The following PDE10A variants were observed in gnomAD, a reference collection of about 807,000 sequenced individuals.
PDE10A encodes phosphodiesterase 10A.
Under a neutral mutation model 97.7 loss-of-function variants are expected in PDE10A, and 39 were observed. The ratio of observed to expected loss-of-function variants is 0.40; its 90% confidence interval spans 0.31 to 0.52. The LOEUF (loss-of-function observed/expected upper bound fraction) is 0.52. Among genes scored for constraint, PDE10A ranks in the 20% least tolerant of loss-of-function variants. PDE10A has a pLI of 0.56. For synonymous variants in PDE10A, 371 were observed against 376.8 expected (o/e 0.98, Z 0.18); for missense variants, 731 against 1,047.8 (o/e 0.70, Z 4.17).
intron 1 of PDE10A, among the ~76,000 whole-genome samples, chr6:165,890,751 C>A (rs980702190): frequency 6.6e-6 from 1 of 152,134 alleles, no homozygotes; most frequent in Admixed American, 6.5e-5. Flanking sequence ...TACGGGTGGC[C>A]ATATAAGGCC....
chr6:165,410,564 C>T (rs540424373), intron 13 of PDE10A, among the ~76,000 whole-genome samples: 118 of 152,130 alleles, frequency 7.8e-4, no homozygotes, highest in South Asian at 6.6e-3. Context: ...AATGAACGGA[C>T]GTAGAGATTT....
At chr6:165,950,931 T>C (rs1458513855) in intron 1 of PDE10A, among the ~76,000 whole-genome samples, 1 of 152,244 alleles carries the variant, frequency 6.6e-6, no homozygotes, top group Non-Finnish European at 1.5e-5. Context: ...AAAGAACATG[T>C]GTCCTCTTTG....
At chr6:165,526,396 G>C (rs1782448413) in intron 2 of PDE10A, among the ~76,000 whole-genome samples, 1 of 152,156 alleles carries the variant, frequency 6.6e-6, no homozygotes, top group Admixed American at 6.5e-5. Flanking sequence ...CTTAGCAGCT[G>C]GCAGAACCCC....
intron 7 of PDE10A, among the ~76,000 whole-genome samples, chr6:165,432,160 G>A (rs1789621580): frequency 6.6e-6 from 1 of 152,122 alleles, no homozygotes; most frequent in Non-Finnish European, 1.5e-5. Context: ...CAGGGAGAAG[G>A]ACAAGAAATG....
chr6:165,586,156 C>A (rs1431045408), intron 1 of PDE10A, among the ~76,000 whole-genome samples: 5 of 152,214 alleles, frequency 3.3e-5, no homozygotes, highest in Admixed American at 6.5e-5. Context: ...AAAGGCCGAA[C>A]AGAGCTCATA....
chr6:165,337,503 A>G (rs1203916457), intron 20 of PDE10A, among the ~76,000 whole-genome samples: 1 of 152,232 alleles, frequency 6.6e-6, no homozygotes. Flanking sequence ...TTTATGGCTC[A>G]TGCAGAGACT....
intron 1 of PDE10A, among the ~76,000 whole-genome samples, chr6:165,654,193 T>C (rs1789823957): frequency 6.6e-6 from 1 of 152,222 alleles, no homozygotes; most frequent in Non-Finnish European, 1.5e-5. Context: ...CGGTACTGCA[T>C]GTCTTCCTAA....
intron 1 of PDE10A, among the ~76,000 whole-genome samples, chr6:165,917,524 T>G (rs1457799556): frequency 6.6e-6 from 1 of 152,206 alleles, no homozygotes; most frequent in Non-Finnish European, 1.5e-5. Flanking sequence ...ATGGACACTT[T>G]ACTTCTAAGT....
intron 1 of PDE10A, among the ~76,000 whole-genome samples, chr6:165,784,035 T>C (rs1335923944): frequency 6.6e-6 from 1 of 152,012 alleles, no homozygotes. Context: ...CTGGCCATCA[T>C]GGTGAAACCC....
intron 1 of PDE10A, among the ~76,000 whole-genome samples, chr6:165,979,947 T>A (rs2128503544): frequency 6.6e-6 from 1 of 152,342 alleles, no homozygotes; most frequent in Admixed American, 6.5e-5. Flanking sequence ...TGTCACTACT[T>A]AAATTCCTCA....
chr6:165,726,265 C>T (rs1185945434), intron 1 of PDE10A, among the ~76,000 whole-genome samples: 1 of 152,022 alleles, frequency 6.6e-6, no homozygotes, highest in Non-Finnish European at 1.5e-5. Context: ...GTTATCTATT[C>T]TCTAAAGCAA....
intron 1 of PDE10A, among the ~76,000 whole-genome samples, chr6:165,779,113 A>G (rs1369978391): frequency 2.0e-5 from 3 of 152,208 alleles, no homozygotes; most frequent in African/African-American, 4.8e-5. Context: ...AAAGGTATTC[A>G]CTTATCGTTT....
chr6:165,460,159 G>C (rs111418651), intron 3 of PDE10A, among the ~76,000 whole-genome samples: 2 of 152,142 alleles, frequency 1.3e-5, no homozygotes, highest in African/African-American at 4.8e-5. Context: ...GAAAAGCTGC[G>C]AGCCTTCTGC....
At chr6:165,400,079 G>A (rs998884624) in intron 13 of PDE10A, among the ~76,000 whole-genome samples, 18 of 152,124 alleles carry the variant, frequency 1.2e-4, no homozygotes, top group African/African-American at 4.3e-4. Flanking sequence ...ATAAGGAAAG[G>A]ATAGTCGATT....
At chr6:165,620,361 C>T (rs1464432533) in intron 1 of PDE10A, among the ~76,000 whole-genome samples, 6 of 152,220 alleles carry the variant, frequency 3.9e-5, no homozygotes, top group East Asian at 3.9e-4. Context: ...AGATGCTTCT[C>T]GTAAGTATCT....
At chr6:165,723,156 C>T (rs1792207957) in intron 1 of PDE10A, among the ~76,000 whole-genome samples, 1 of 152,162 alleles carries the variant, frequency 6.6e-6, no homozygotes, top group Non-Finnish European at 1.5e-5. Flanking sequence ...GATCATCTTA[C>T]TGAGAACCGT....
At chr6:165,895,216 G>A (rs550012726) in intron 1 of PDE10A, among the ~76,000 whole-genome samples, 1 of 152,292 alleles carries the variant, frequency 6.6e-6, no homozygotes, top group Admixed American at 6.5e-5. Flanking sequence ...TTGCAGATGT[G>A]AGGATGAGGT....
At chr6:165,461,423 C>T (rs1019602749) in intron 3 of PDE10A, among the ~76,000 whole-genome samples, 1 of 152,024 alleles carries the variant, frequency 6.6e-6, no homozygotes. Flanking sequence ...TATTCTGGCT[C>T]GAAAAGTAAA....
chr6:165,525,963 G>A (rs182329041), intron 2 of PDE10A, among the ~76,000 whole-genome samples: 21 of 152,264 alleles, frequency 1.4e-4, no homozygotes, highest in Admixed American at 1.2e-3. Flanking sequence ...TATAAAAACA[G>A]ACAATTATGG....
Sources: allele counts gnomAD v4.1 joint callset (sites outside exome capture counted in the v4.1 genomes callset), GRCh38; gene constraint gnomAD v4.1.1; transcripts MANE v1.5; gene names NCBI Gene and HGNC (gene_info 2026-07-23, HGNC 2026-07-21).